Variants in LRRIQ1 observed in about 807,000 individuals in gnomAD.
LRRIQ1 encodes the protein leucine rich repeats and IQ motif containing 1, also known as leucine-rich repeat- and IQ domain-containing protein 1.
LRRIQ1 carries 210 observed loss-of-function variants against 211.9 expected under a neutral mutation model. That is an observed-to-expected ratio of 0.99 (90% CI 0.89 to 1.11). The LOEUF is 1.11. Ranked by LOEUF, LRRIQ1 falls within the 50% of genes most tolerant of loss-of-function variation. The probability of loss-of-function intolerance (pLI) is 0.00; values close to 1 mark genes in which losing one functional copy is unlikely to be tolerated. For synonymous variants in LRRIQ1, 699 were observed against 650.1 expected, an observed-to-expected ratio of 1.08 and a Z score of -1.14; for missense variants, 2,136 against 1,939.5, an observed-to-expected ratio of 1.10 and a Z score of -1.90.
At chr12:85,204,562 C>T (rs1243209432) in intron 24 of LRRIQ1, among the ~76,000 whole-genome samples, 2 of 152,190 alleles carry the variant, frequency 1.3e-5, no homozygotes, top group East Asian at 3.9e-4. Flanking sequence ...TGGGCACTCA[C>T]CTGTTGCATC....
At chr12:85,136,948 G>A (rs1889175153) in intron 18 of LRRIQ1, among the ~76,000 whole-genome samples, 1 of 151,492 alleles carries the variant, frequency 6.6e-6, no homozygotes, top group Non-Finnish European at 1.5e-5. Context: ...GTTCTCTTAA[G>A]CATGTGCATA....
intron 23 of LRRIQ1, among the ~76,000 whole-genome samples, chr12:85,154,304 T>A (rs1308337648): frequency 6.6e-6 from 1 of 151,226 alleles, no homozygotes; most frequent in African/African-American, 2.4e-5. Flanking sequence ...TTTTACTTTT[T>A]CGGCTCTTTC....
chr12:85,041,403 A>T (rs1156503228), intron 3 of LRRIQ1, among the ~76,000 whole-genome samples: 3 of 151,724 alleles, frequency 2.0e-5, no homozygotes, highest in Admixed American at 6.6e-5. Context: ...GATAACTGCT[A>T]TGAAGGAAAA....
intron 24 of LRRIQ1, among the ~76,000 whole-genome samples, chr12:85,164,619 C>G (rs1891062412): frequency 6.6e-6 from 1 of 152,088 alleles, no homozygotes. Flanking sequence ...GAGAGTTTTA[C>G]TTACGTTCTC....
intron 11 of LRRIQ1, among the ~76,000 whole-genome samples, chr12:85,092,859 T>C (rs925252756): frequency 2.6e-5 from 4 of 152,178 alleles, no homozygotes; most frequent in Non-Finnish European, 4.4e-5. Flanking sequence ...CCTTTGCTAT[T>C]GATGAAGAGT....
At chr12:85,232,094 C>A (rs947461978) in intron 25 of LRRIQ1, among the ~76,000 whole-genome samples, 2 of 151,792 alleles carry the variant, frequency 1.3e-5, no homozygotes, top group Non-Finnish European at 2.9e-5. Flanking sequence ...TTAACAATAA[C>A]CCTTACTCAT....
chr12:85,057,446 T>G (rs772376942), intron 8 of LRRIQ1, among the ~76,000 whole-genome samples: 1 of 152,054 alleles, frequency 6.6e-6, no homozygotes, highest in Non-Finnish European at 1.5e-5. Context: ...GGCCCTCCAG[T>G]CATTATTTAA....
intron 25 of LRRIQ1, among the ~76,000 whole-genome samples, chr12:85,231,048 A>T (rs1894914695): frequency 7.0e-6 from 1 of 143,132 alleles, no homozygotes; most frequent in African/African-American, 2.6e-5. Context: ...ACTCCACCTC[A>T]AAAAAAAAAA....
chr12:85,146,646 TC>T (rs1447062960), intron 19 of LRRIQ1, among the ~76,000 whole-genome samples: 1 of 151,760 alleles, frequency 6.6e-6, no homozygotes, highest in East Asian at 1.9e-4. Context: ...CTCCACCTAC[TC>T]CCTCAAAATT....
In LRRIQ1 at chr12:85,065,397, A is replaced by T; in HGVS notation, c.2527A>T (p.Lys843Ter). 2 of 1,608,844 alleles carry T rather than the reference A, an allele frequency of 1.2e-6. No individual in the cohort carries two copies. Among genetic ancestry groups the T allele is most frequent in the Non-Finnish European group, 1.7e-6 (2 of 1,177,008 alleles). ...LHSLSNCKKL[K>*]YIDAQENHIE... ...CAGCCTGAGTAATTGTAAAAAACTT[A>T]AGTACATTGATGCACAGGTATGCTC... Residue 843 changes from lysine to a stop codon, truncating the protein, a stop_gained, in exon 9 of 27, where the codon AAG (lysine) becomes TAG (stop). Transcript: ENST00000393217. LOFTEE classifies it high-confidence loss of function.
At chr12:85,179,883 T>C (rs1416097830) in intron 24 of LRRIQ1, among the ~76,000 whole-genome samples, 1 of 151,936 alleles carries the variant, frequency 6.6e-6, no homozygotes, top group African/African-American at 2.4e-5. Flanking sequence ...TGTTAATCTT[T>C]TCAAGGTCAG....
At chr12:85,211,535 G>C (rs929377196) in intron 24 of LRRIQ1, among the ~76,000 whole-genome samples, 5 of 152,108 alleles carry the variant, frequency 3.3e-5, no homozygotes, top group African/African-American at 1.2e-4. Context: ...AGCAGAGAGA[G>C]AGAAAGTATT....
chr12:85,058,059 TAAAC>T (rs145092488), intron 8 of LRRIQ1, among the ~76,000 whole-genome samples: 2,924 of 152,092 alleles, frequency 0.019, 82 homozygotes, highest in African/African-American at 0.066. Context: ...GGTTGACTAA[TAAAC>T]AAAGAAAACC....
chr12:85,138,959 C>A (rs1889335998), intron 19 of LRRIQ1, among the ~76,000 whole-genome samples: 1 of 151,348 alleles, frequency 6.6e-6, no homozygotes, highest in African/African-American at 2.4e-5. Flanking sequence ...TTTTTTGCAG[C>A]ACTTAGCCAA....
At position 85,056,816 on chromosome 12, in the gene LRRIQ1, G is replaced by T. The variant is rs922594448; in HGVS notation, c.2023G>T (p.Asp675Tyr). 2 of 1,611,756 alleles carry T rather than the reference G, an allele frequency of 1.2e-6. No individual in the cohort carries two copies. The highest frequency in any genetic ancestry group is 1.7e-6 in the Non-Finnish European group (2 of 1,179,142). ...TATAGAAGGCAAAAGAAATGACCAA[G>T]ATTATGTGTTAGGTAGACATGCTCC... ...INIEGKRNDQ[D>Y]YVLGRHAPCE... Residue 675 changes from aspartate to tyrosine, a missense_variant, in exon 8 of 27, where the codon GAT becomes TAT. Physicochemically the swap from Asp to Tyr is radical, Grantham distance 160 (BLOSUM62 -3). Transcript: ENST00000393217.
In LRRIQ1 at chr12:85,098,343, T is replaced by G. The variant is rs1886073065; in HGVS notation, c.2888-12T>G. The G allele has an allele frequency of 1.3e-6, 2 of 1,573,840 alleles. No homozygotes were observed. The highest frequency in any genetic ancestry group is 3.5e-5 in the Admixed American group (2 of 57,156). ...GTATGACACAGGTGATCTTATAACT[T>G]TTTTCTTCTAGGTGGTTTAGAATCT... On this transcript the variant is annotated splice_polypyrimidine_tract_variant and intron_variant, in intron 11 of 26. Transcript: ENST00000393217.
At chr12:85,137,712 C>A in intron 18 of LRRIQ1, 138 bp from the exon 19 acceptor site, 1 of 641,266 alleles carries the variant, frequency 1.6e-6, no homozygotes, top group Non-Finnish European at 2.4e-6. Context: ...TTAAGTGTCA[C>A]ATAAAGTTCA....
At chr12:85,134,678 C>T (rs571970282) in intron 18 of LRRIQ1, among the ~76,000 whole-genome samples, 4 of 152,078 alleles carry the variant, frequency 2.6e-5, no homozygotes, top group East Asian at 1.9e-4. Context: ...TGTAAGATCA[C>T]GTGAAGCTTG....
rs10161105 is a variant in LRRIQ1 at position 85,160,769 on chromosome 12, G to T, written c.4822+55G>T. On this transcript the variant is annotated intron_variant, in intron 24 of 26. Transcript: ENST00000393217. ...GTAAAAAGATAAAGAAAGATTAAAA[G>T]AATTATATTTACAATAAATTTTTAA... 1,683 of 939,584 alleles carry T rather than the reference G, an allele frequency of 1.8e-3. 23 individuals carry two copies. The African/African-American group carries it at 0.024, about 14-fold the overall frequency. 58.2% of individuals were successfully genotyped at this position (939,584 alleles called of 1,614,324 possible).
Sources: allele counts gnomAD v4.1 joint callset (sites outside exome capture counted in the v4.1 genomes callset), GRCh38; gene constraint gnomAD v4.1.1; transcripts MANE v1.5; gene names NCBI Gene and HGNC (gene_info 2026-07-23, HGNC 2026-07-21).